The following SEMA4D variants were observed in gnomAD, a reference collection of about 807,000 sequenced individuals.
The protein encoded by SEMA4D is semaphorin-4D.
SEMA4D carries 22 observed loss-of-function variants against 74.8 expected under a neutral mutation model. That is an observed-to-expected ratio of 0.29 (90% CI 0.21 to 0.42). The LOEUF (loss-of-function observed/expected upper bound fraction) is 0.42. Ranked by LOEUF, SEMA4D falls within the 10% of genes least tolerant of loss-of-function variation. SEMA4D has a pLI of 1.00. For synonymous variants in SEMA4D, 445 were observed against 463.7 expected (o/e 0.96, Z 0.52); for missense variants, 937 against 1,118.4 (o/e 0.84, Z 2.31).
chr9:89,379,332 A>C lies in SEMA4D; in HGVS notation c.1961T>G (p.Val654Gly), dbSNP rs754461108. 5 of 1,614,204 alleles carry C rather than the reference A, an allele frequency of 3.1e-6. No homozygotes were observed. The highest frequency in any genetic ancestry group is 4.2e-6 in the Non-Finnish European group (5 of 1,180,034). Reference protein sequence around the residue: ...LEVKVVPKPVVAPTLSVVQTE... With the variant: ...LEVKVVPKPVGAPTLSVVQTE... The stretch of plus-strand genomic sequence containing the variant: ...CTGAACAACTGACAAGGTGGGGGCC[A>C]CTACGGGCTTTGGAACCACCTTCAC... Residue 654 changes from valine to glycine, a missense_variant, in exon 16 of 16, where the codon GTG (valine) becomes GGG (glycine). Physicochemically the swap from Val to Gly is moderately radical, Grantham distance 109 (BLOSUM62 -3). Coordinates refer to ENST00000422704, the MANE Select transcript of SEMA4D (RefSeq NM_001371194.2).
At position 89,473,830 on chromosome 9, in the gene SEMA4D, G is replaced by A. The variant is rs560257485; in HGVS notation, c.-309-17877C>T. Among the ~76,000 whole-genome samples, 442 of 152,106 alleles carry A rather than the reference G, an allele frequency of 2.9e-3. 3 individuals carry two copies. Among genetic ancestry groups the A allele is most frequent in the African/African-American group, 1.0e-2 (413 of 41,492 alleles). ...AGACTGCACCACTGCACTCCAGCCTGGGCAATGCACTCCATCTCAAAAAAC... is the reference window on the plus strand; with the variant it reads ...AGACTGCACCACTGCACTCCAGCCTAGGCAATGCACTCCATCTCAAAAAAC... On this transcript the variant is annotated intron_variant, in intron 1 of 15. Coordinates refer to ENST00000422704, the MANE Select transcript of SEMA4D (RefSeq NM_001371194.2).
At chr9:89,464,955 AT>A (rs1564889331) in intron 1 of SEMA4D, among the ~76,000 whole-genome samples, 1 of 152,210 alleles carries the variant, frequency 6.6e-6, no homozygotes, top group East Asian at 1.9e-4. Context: ...ATTTGGATGC[AT>A]CTCTGTTTTT....
chr9:89,486,344 G>A lies in SEMA4D; in HGVS notation c.-310+11575C>T, dbSNP rs536027572. On this transcript the variant is annotated intron_variant, in intron 1 of 15. Transcript: ENST00000422704. ...TGGGGAAAGGAAACTGACTACAAAG[G>A]GGCACAAGACGGAATTTTTGGAGTT... Among the ~76,000 whole-genome samples the A allele has an allele frequency of 4.3e-4, 65 of 152,086 alleles. 1 individual carries two copies. The highest frequency in any genetic ancestry group is 7.2e-4 in the Non-Finnish European group (49 of 68,016).
intron 1 of SEMA4D, among the ~76,000 whole-genome samples, chr9:89,456,382 G>A (rs920806372): frequency 1.3e-5 from 2 of 152,188 alleles, no homozygotes; most frequent in African/African-American, 4.8e-5. Context: ...AGTCAAGAAG[G>A]ACACTGTAGT....
chr9:89,445,684 G>A (rs1852646179), intron 2 of SEMA4D, among the ~76,000 whole-genome samples: 1 of 152,188 alleles, frequency 6.6e-6, no homozygotes, highest in East Asian at 1.9e-4. Flanking sequence ...GAGACCCTGT[G>A]AAGCTTCCAT....
At chr9:89,370,546 G>C (rs1834418913) in intron 16 of SEMA4D, among the ~76,000 whole-genome samples, 1 of 150,556 alleles carries the variant, frequency 6.6e-6, no homozygotes, top group Admixed American at 6.6e-5. Context: ...TGTGGTGTGA[G>C]GGGGTGTGGT....
chr9:89,493,574 C>G (rs1340789312), intron 1 of SEMA4D, among the ~76,000 whole-genome samples: 2 of 152,232 alleles, frequency 1.3e-5, no homozygotes, highest in African/African-American at 4.8e-5. Context: ...AACACACACA[C>G]AAATCAGAAG....
chr9:89,469,823 G>C (rs192434075), intron 1 of SEMA4D, among the ~76,000 whole-genome samples: 2 of 152,362 alleles, frequency 1.3e-5, no homozygotes, highest in African/African-American at 4.8e-5. Context: ...GTGGCAGACA[G>C]ATGCTTTCAC....
At chr9:89,494,489 T>C (rs773288906) in intron 1 of SEMA4D, among the ~76,000 whole-genome samples, 4 of 152,242 alleles carry the variant, frequency 2.6e-5, no homozygotes, top group Non-Finnish European at 5.9e-5. Flanking sequence ...GCTGAGCGCC[T>C]GCACTTGTGC....
intron 1 of SEMA4D, among the ~76,000 whole-genome samples, chr9:89,478,782 CCCCAA>C (rs937176868): frequency 5.4e-5 from 8 of 148,630 alleles, no homozygotes; most frequent in Non-Finnish European, 4.5e-5. Context: ...CCCCACCCCA[CCCCAA>C]GGCCCTTCCT....
rs1205133663 is a variant in SEMA4D, at chr9:89,377,874, C to T, written c.*830G>A. The T allele has an allele frequency of 7.4e-6, 1 of 135,342 alleles. No individual in the cohort carries two copies. Among genetic ancestry groups the T allele is most frequent in the African/African-American group, 2.8e-5 (1 of 35,900 alleles). The allele number at this position is 135,342 out of a possible 1,614,324, so 8.4% of individuals were successfully genotyped here. A position where few individuals can be genotyped will look rare whatever the true frequency, so the allele number is the denominator to read the frequency against. Reference sequence around the variant, plus strand: ...CTCGTGGATGTGGGAAGGTCCTCTTCTTCGAGAGAGTAAAAGTTAAAAAAA... The same window carrying T: ...CTCGTGGATGTGGGAAGGTCCTCTTTTTCGAGAGAGTAAAAGTTAAAAAAA... On this transcript the variant is annotated 3_prime_UTR_variant, in exon 16 of 16. Transcript: ENST00000422704.
exon 17 of SEMA4D, chr9:89,363,783 C>T: frequency 6.2e-7 from 1 of 1,613,876 alleles, no homozygotes; most frequent in Non-Finnish European, 8.5e-7. Context: ...GTCTTGTTCC[C>T]TGCTGAGGAG....
chr9:89,391,496 C>T, intron 8 of SEMA4D, 81 bp from the exon 9 acceptor site: 1 of 1,452,234 alleles, frequency 6.9e-7, no homozygotes, highest in Non-Finnish European at 9.6e-7. Context: ...GGCCGGCCAA[C>T]ACTACCTTGG....
At chr9:89,440,437 T>C (rs1467964742) in intron 2 of SEMA4D, among the ~76,000 whole-genome samples, 2 of 152,104 alleles carry the variant, frequency 1.3e-5, no homozygotes, top group East Asian at 3.9e-4. Flanking sequence ...TCCCAACCCT[T>C]TACCCTCACA....
chr9:89,410,238 G>A (rs564783794), intron 2 of SEMA4D, among the ~76,000 whole-genome samples: 4 of 152,338 alleles, frequency 2.6e-5, no homozygotes, highest in East Asian at 3.9e-4. Context: ...TACAAGAGGC[G>A]AGTAACTGCA....
chr9:89,393,483 G>C, intron 7 of SEMA4D, 79 bp downstream of exon 7: 1 of 1,230,462 alleles, frequency 8.1e-7, no homozygotes, highest in Non-Finnish European at 1.2e-6. Context: ...GCACTTCAGA[G>C]AAGATCCAAA....
At chr9:89,425,450 G>A (rs10797122) in intron 2 of SEMA4D, among the ~76,000 whole-genome samples, 149,089 of 152,364 alleles carry the variant, frequency 0.98, 73,051 homozygotes, top group Non-Finnish European at 1. Flanking sequence ...TGGGTTCTGC[G>A]AGGGTCAGGC....
chr9:89,370,609 T>G (rs764766494), intron 16 of SEMA4D, among the ~76,000 whole-genome samples: 26 of 150,238 alleles, frequency 1.7e-4, no homozygotes, highest in Non-Finnish European at 3.0e-4. Context: ...GTGGTATGTG[T>G]GTCTGGGATG....
At chr9:89,451,972 G>C (rs1440228913) in intron 2 of SEMA4D, among the ~76,000 whole-genome samples, 1 of 152,130 alleles carries the variant, frequency 6.6e-6, no homozygotes, top group African/African-American at 2.4e-5. Context: ...GTGGTGTCCA[G>C]CTAGGATACT....
Sources: gnomAD v4.1 joint callset for allele counts (sites outside exome capture counted in the v4.1 genomes callset) on GRCh38, gnomAD v4.1.1 for gene constraint, MANE v1.5 for transcripts, NCBI Gene and HGNC (gene_info 2026-07-23, HGNC 2026-07-21) for gene names.